POU6F2: variants seen among roughly 807,000 people sequenced by gnomAD.
The protein encoded by POU6F2 is POU class 6 homeobox 2.
A neutral mutation model predicts 71.3 loss-of-function variants in POU6F2; 31 were observed. The ratio of observed to expected loss-of-function variants is 0.43; its 90% CI spans 0.33 to 0.59. POU6F2 has a LOEUF of 0.59. Among genes scored for constraint, POU6F2 ranks in the 20% least tolerant of loss-of-function variants. The probability of loss-of-function intolerance (pLI) is 0.04; values close to 1 mark genes in which losing one functional copy is unlikely to be tolerated. For synonymous variants in POU6F2, 347 were observed against 355.7 expected (o/e 0.98, Z 0.27); for missense variants, 783 against 856.8 (o/e 0.91, Z 1.07).
intron 4 of POU6F2, among the ~76,000 whole-genome samples, chr7:39,221,992 A>G (rs751289878): frequency 7.9e-5 from 12 of 151,616 alleles, no homozygotes; most frequent in Non-Finnish European, 1.8e-4. Flanking sequence ...TTCTGGGATT[A>G]AAAAAAAGTC....
intron 4 of POU6F2, among the ~76,000 whole-genome samples, chr7:39,252,415 C>G (rs1584626385): frequency 6.6e-6 from 1 of 151,762 alleles, no homozygotes. Flanking sequence ...CACACACACA[C>G]ACACACACAC....
At chr7:39,127,176 A>T (rs1275726482) in intron 2 of POU6F2, among the ~76,000 whole-genome samples, 1 of 152,230 alleles carries the variant, frequency 6.6e-6, no homozygotes, top group Non-Finnish European at 1.5e-5. Context: ...TCCAGTATGT[A>T]GTTTACACTG....
intron 4 of POU6F2, among the ~76,000 whole-genome samples, chr7:39,264,440 C>T (rs1784202857): frequency 6.6e-6 from 1 of 152,148 alleles, no homozygotes; most frequent in African/African-American, 2.4e-5. Flanking sequence ...ATTCTGACTG[C>T]AAGAGTGGGA....
intron 5 of POU6F2, among the ~76,000 whole-genome samples, chr7:39,342,718 T>C (rs550038633): frequency 6.6e-6 from 1 of 152,292 alleles, no homozygotes; most frequent in South Asian, 2.1e-4. Context: ...GTGAGGTCAT[T>C]TCCTGAGATG....
intron 6 of POU6F2, among the ~76,000 whole-genome samples, chr7:39,425,752 CCT>C (rs1277689710): frequency 6.6e-6 from 1 of 152,138 alleles, no homozygotes; most frequent in African/African-American, 2.4e-5. Flanking sequence ...CTTCATTTCT[CCT>C]CTGTTTTTCA....
chr7:39,296,961 T>C (rs1236977628), intron 4 of POU6F2, among the ~76,000 whole-genome samples: 2 of 152,130 alleles, frequency 1.3e-5, no homozygotes, highest in African/African-American at 4.8e-5. Flanking sequence ...ATTAACATGC[T>C]CTGTAACCCC....
chr7:39,025,533 A>G (rs1789780242), intron 1 of POU6F2, among the ~76,000 whole-genome samples: 1 of 152,082 alleles, frequency 6.6e-6, no homozygotes, highest in South Asian at 2.1e-4. Context: ...TGCTGGGAAA[A>G]CTGGCTAGCC....
At chr7:39,312,161 A>AAG (rs2128767167) in intron 4 of POU6F2, among the ~76,000 whole-genome samples, 1 of 148,658 alleles carries the variant, frequency 6.7e-6, no homozygotes, top group East Asian at 2.0e-4. Flanking sequence ...TGATTTTCCA[A>AAG]AGAGAATGGA....
chr7:39,100,202 A>G (rs1040511237), intron 2 of POU6F2, among the ~76,000 whole-genome samples: 18 of 152,364 alleles, frequency 1.2e-4, no homozygotes, highest in Admixed American at 1.0e-3. Flanking sequence ...AACCCTTTTC[A>G]TATATTTTTC....
chr7:39,076,322 C>A lies in POU6F2; in HGVS notation c.106-9538C>A, dbSNP rs188712809. ...TACTGAGAGCCTATTTTGTATCAGA[C>A]ATAGTGCCCAGTACTGGGAATTTCA... On this transcript the variant is annotated intron_variant, in intron 1 of 9. Transcript: ENST00000518318. Among the ~76,000 whole-genome samples, 8 of 151,910 alleles carry A rather than the reference C, an allele frequency of 5.3e-5. No homozygotes were observed. The East Asian group carries it at 1.4e-3, about 26-fold the overall frequency.
chr7:39,091,078 C>T (rs527986244), intron 2 of POU6F2, among the ~76,000 whole-genome samples: 1 of 152,226 alleles, frequency 6.6e-6, no homozygotes, highest in Non-Finnish European at 1.5e-5. Flanking sequence ...GATTCCCCGC[C>T]CCGCCCCAGA....
intron 7 of POU6F2, among the ~76,000 whole-genome samples, chr7:39,445,926 A>G (rs1378076208): frequency 6.6e-6 from 1 of 152,214 alleles, no homozygotes; most frequent in Admixed American, 6.5e-5. Flanking sequence ...TCCAACCCAC[A>G]GTAGCAGCAT....
chr7:39,142,957 A>C (rs1292827559), intron 2 of POU6F2, among the ~76,000 whole-genome samples: 2 of 152,212 alleles, frequency 1.3e-5, no homozygotes, highest in African/African-American at 4.8e-5. Context: ...CTAACTAAAC[A>C]GTTTTTTATG....
At chr7:39,019,129 G>GA (rs1372888747) in intron 1 of POU6F2, among the ~76,000 whole-genome samples, 7 of 152,176 alleles carry the variant, frequency 4.6e-5, no homozygotes, top group Middle Eastern at 6.8e-3. Context: ...AATTCTTTAA[G>GA]AAAAAATCTG....
At chr7:39,039,954 T>C (rs911872733) in intron 1 of POU6F2, among the ~76,000 whole-genome samples, 2 of 117,270 alleles carry the variant, frequency 1.7e-5, no homozygotes, top group Admixed American at 8.9e-5. Flanking sequence ...TGGGCTTAAG[T>C]GGGTTGTACT....
chr7:39,104,315 G>A (rs944828233), intron 2 of POU6F2, among the ~76,000 whole-genome samples: 4 of 152,220 alleles, frequency 2.6e-5, no homozygotes, highest in African/African-American at 4.8e-5. Context: ...ATTTTGGCAA[G>A]CCTGGTAGAG....
At chr7:39,297,544 G>T (rs919129612) in intron 4 of POU6F2, among the ~76,000 whole-genome samples, 3 of 152,124 alleles carry the variant, frequency 2.0e-5, no homozygotes, top group African/African-American at 7.2e-5. Flanking sequence ...ATCATGGCCT[G>T]AATTAGTTTG....
chr7:39,067,714 A>G (rs567866118), intron 1 of POU6F2, among the ~76,000 whole-genome samples: 2 of 152,170 alleles, frequency 1.3e-5, no homozygotes, highest in Non-Finnish European at 2.9e-5. Flanking sequence ...TTGCTTTTAT[A>G]AATCTATATA....
In POU6F2 at chr7:39,178,113, G is replaced by A. The variant is rs114656435; in HGVS notation, c.278-26122G>A. 5.3e-3 allele frequency among the ~76,000 whole-genome samples: 808 copies of A among 152,136 alleles called. 10 individuals are homozygous for A. The highest frequency in any genetic ancestry group is 0.018 in the African/African-American group (760 of 41,500). ...TACTAAAAATACAAAAATTAGCCAG[G>A]CCCAGTGACAGGCACCTGTAATCCC... On this transcript the variant is annotated intron_variant, in intron 2 of 9. Coordinates refer to ENST00000518318, the MANE Select transcript of POU6F2 (RefSeq NM_001370959.1).
Sources: gnomAD v4.1 joint callset for allele counts (sites outside exome capture counted in the v4.1 genomes callset) on GRCh38, gnomAD v4.1.1 for gene constraint, MANE v1.5 for transcripts, NCBI Gene and HGNC (gene_info 2026-07-23, HGNC 2026-07-21) for gene names.